Variants in ITSN2 observed in about 807,000 individuals in gnomAD.
ITSN2 encodes the protein intersectin 2.
A neutral mutation model predicts 243.7 loss-of-function variants in ITSN2; 156 were observed. That is an observed-to-expected ratio of 0.64 (90% CI 0.56 to 0.73). The LOEUF (loss-of-function observed/expected upper bound fraction) is 0.73, where lower values mean the gene tolerates loss of function less well. ITSN2 is among the 30% of genes least tolerant of loss of function. The pLI is 0.00. For missense variants in ITSN2, 1,801 were observed against 1,996.1 expected (o/e 0.90, Z 1.86); for synonymous variants, 703 against 699.9 (o/e 1.00, Z -0.07).
chr2:24,350,205 C>T (rs1176950247), intron 1 of ITSN2, among the ~76,000 whole-genome samples: 1 of 152,114 alleles, frequency 6.6e-6, no homozygotes, highest in African/African-American at 2.4e-5. Flanking sequence ...ATTTCTGGTT[C>T]ATGATCCATT....
intron 17 of ITSN2, among the ~76,000 whole-genome samples, chr2:24,282,175 G>C (rs2151528712): frequency 6.6e-6 from 1 of 152,306 alleles, no homozygotes. Flanking sequence ...ATCCTAAAAA[G>C]GCAGAGGCAT....
At chr2:24,276,261 C>A (rs1432734490) in intron 17 of ITSN2, among the ~76,000 whole-genome samples, 1 of 152,176 alleles carries the variant, frequency 6.6e-6, no homozygotes, top group Non-Finnish European at 1.5e-5. Context: ...TATCCAATAT[C>A]ATCTTGAACT....
intron 1 of ITSN2, among the ~76,000 whole-genome samples, chr2:24,348,443 G>A (rs1027046098): frequency 2.1e-4 from 32 of 152,218 alleles, no homozygotes; most frequent in African/African-American, 7.5e-4. Context: ...ACCCGCCTCA[G>A]CTTCCCAAAG....
intron 27 of ITSN2, among the ~76,000 whole-genome samples, chr2:24,248,330 G>A (rs1468402862): frequency 2.0e-5 from 3 of 152,148 alleles, no homozygotes; most frequent in Admixed American, 6.5e-5. Flanking sequence ...CCCAGGGAAA[G>A]ATGATGCTGT....
chr2:24,264,162 G>C (rs926889825), intron 20 of ITSN2, among the ~76,000 whole-genome samples: 2 of 152,022 alleles, frequency 1.3e-5, no homozygotes, highest in African/African-American at 4.8e-5. Context: ...AAGGCCGAGG[G>C]GGGCAGATCA....
intron 35 of ITSN2, 21 bp downstream of exon 35, chr2:24,209,797 C>CA: frequency 6.3e-7 from 1 of 1,597,992 alleles, no homozygotes; most frequent in South Asian, 1.1e-5. Context: ...CTGATGCTAC[C>CA]CCCAGACGCG....
At chr2:24,311,611 T>G (rs937917608) in intron 5 of ITSN2, 1 of 167,118 alleles carries the variant, frequency 6.0e-6, no homozygotes, top group African/African-American at 2.4e-5. Context: ...CATACCTAAT[T>G]GAATGTTCCA....
chr2:24,203,688 G>A lies in ITSN2; in HGVS notation c.5032C>T (p.Pro1678Ser). ...AAACGGACCCAGACCTCCCCGGTGG[G>A]GACCTCATGCAGCAGCAGTCGGCGG... ...MTRRLLLHEV[P>S]TGEVWVRFDL... The change falls in exon 40 of 40, where the codon CCC becomes TCC. Residue 1678 changes from proline to serine, a missense_variant. Around this residue, in one of 5 missense-constraint regions of ITSN2, gnomAD observed 928 missense variants for 1,065.4 expected, o/e 0.87. Transcript: ENST00000355123. 1 of 1,614,172 alleles carries A rather than the reference G, an allele frequency of 6.2e-7. No homozygotes were observed. The highest frequency in any genetic ancestry group is 1.1e-5 in the South Asian group (1 of 91,078).
At chr2:24,312,642 G>A (rs1249278140) in intron 4 of ITSN2, among the ~76,000 whole-genome samples, 1 of 151,988 alleles carries the variant, frequency 6.6e-6, no homozygotes, top group African/African-American at 2.4e-5. Flanking sequence ...ACCAGTTTAG[G>A]TAGAAAAAAA....
chr2:24,310,193 T>C, intron 7 of ITSN2, 91 bp downstream of exon 7: 1 of 812,476 alleles, frequency 1.2e-6, no homozygotes, highest in South Asian at 1.7e-5. Context: ...AAAGTAAAAC[T>C]TAGGTAAGCT....
intron 1 of ITSN2, among the ~76,000 whole-genome samples, chr2:24,340,755 C>T (rs761576580): frequency 6.6e-6 from 1 of 151,692 alleles, no homozygotes; most frequent in East Asian, 1.9e-4. Flanking sequence ...AAAAAAAACA[C>T]ACACACACAC....
chr2:24,217,814 C>G, intron 31 of ITSN2, 93 bp downstream of exon 31: 2 of 707,826 alleles, frequency 2.8e-6, no homozygotes, highest in East Asian at 5.1e-5. Flanking sequence ...GTTGAAGTTC[C>G]TTTGCTAAGA....
intron 1 of ITSN2, among the ~76,000 whole-genome samples, chr2:24,329,044 C>T (rs1340210885): frequency 6.6e-6 from 1 of 152,166 alleles, no homozygotes. Flanking sequence ...ACTCAGATTA[C>T]TCATCTATAA....
Position 24,271,869 on chromosome 2 carries a change from T to G in ITSN2, c.2154A>C (p.Arg718=), listed in dbSNP as rs1677400290. 6.2e-7 allele frequency: 1 copy of G among 1,608,680 alleles called. No individual in the cohort carries two copies. Among genetic ancestry groups the G allele is most frequent in the Non-Finnish European group, 8.5e-7 (1 of 1,178,820 alleles). The change falls in exon 19 of 40, where the codon CGA becomes CGC. Residue 718 remains arginine, a synonymous_variant. Coordinates refer to ENST00000355123, the MANE Select transcript of ITSN2 (RefSeq NM_006277.3). ...TTTCTTGTGTTTTTTCTTCCTGGAG[T>G]CGCTTTTGTTTTTCTTCTTCCTCCT... ...LRKEEEEKQK[R]LQEEKTQEKI...
Position 24,210,882 on chromosome 2 carries a change from T to C in ITSN2, c.4155A>G (p.Ala1385=). ...HSSLKLALER[A]EELCSQVNEG... ...CATTCACTTGAGAGCACAGCTCCTCTGCCCGCTCGAGGGCCAGCTTTAGGG... is the reference window on the plus strand; with the variant it reads ...CATTCACTTGAGAGCACAGCTCCTCCGCCCGCTCGAGGGCCAGCTTTAGGG... Residue 1385 remains alanine (A), a synonymous_variant, in exon 34 of 40, where the codon GCA becomes GCG. Transcript: ENST00000355123. The C allele has an allele frequency of 6.2e-7, 1 of 1,614,178 alleles. No individual in the cohort carries two copies. Among genetic ancestry groups the C allele is most frequent in the Non-Finnish European group, 8.5e-7 (1 of 1,180,014 alleles).
intron 29 of ITSN2, among the ~76,000 whole-genome samples, chr2:24,235,789 A>C (rs1672092560): frequency 6.6e-6 from 1 of 152,220 alleles, no homozygotes; most frequent in South Asian, 2.1e-4. Flanking sequence ...CATCAGGGAA[A>C]TGCAAATCAA....
At chr2:24,277,134 C>T (rs2151493744) in intron 17 of ITSN2, among the ~76,000 whole-genome samples, 1 of 151,918 alleles carries the variant, frequency 6.6e-6, no homozygotes. Context: ...AGATTTCTTT[C>T]ATTTGGAATC....
At chr2:24,297,775 G>T (rs929558382) in intron 13 of ITSN2, among the ~76,000 whole-genome samples, 6 of 152,088 alleles carry the variant, frequency 3.9e-5, no homozygotes, top group African/African-American at 1.4e-4. Context: ...TTTCAGACAA[G>T]GGAAAAGTGA....
chr2:24,300,216 A>G (rs770098064), intron 11 of ITSN2, 45 bp from the exon 12 acceptor site: 1 of 1,591,114 alleles, frequency 6.3e-7, no homozygotes, highest in Admixed American at 1.8e-5. Context: ...TTAACAGCCT[A>G]CAGAACCTGT....
Sources: gnomAD v4.1 joint callset for allele counts (sites outside exome capture counted in the v4.1 genomes callset) on GRCh38, gnomAD v4.1.1 for gene constraint, gnomAD v4.1.1 regional missense constraint, MANE v1.5 for transcripts, NCBI Gene and HGNC (gene_info 2026-07-23, HGNC 2026-07-21) for gene names.